FAM3B: variants seen among roughly 807,000 people sequenced by gnomAD.
The protein encoded by FAM3B is protein FAM3B.
A neutral mutation model predicts 28.4 loss-of-function variants in FAM3B; 29 were observed. The ratio of observed to expected loss-of-function variants is 1.02; its 90% CI spans 0.76 to 1.39. FAM3B has a LOEUF of 1.39. FAM3B is among the 40% of genes most tolerant of loss of function. The pLI is 0.00. For synonymous variants in FAM3B, 91 were observed against 103.0 expected, an observed-to-expected ratio of 0.88 and a Z score of 0.71; for missense variants, 266 against 293.9, an observed-to-expected ratio of 0.91 and a Z score of 0.69.
chr21:41,319,523 C>T (rs1456369400), intron 1 of FAM3B: 1 of 152,448 alleles, frequency 6.6e-6, no homozygotes, highest in African/African-American at 2.4e-5. Context: ...CCTCCCCCAC[C>T]TCTGAAGCTG....
chr21:41,312,007 C>A (rs1435145925), upstream of FAM3B, among the ~76,000 whole-genome samples: 1 of 152,162 alleles, frequency 6.6e-6, no homozygotes, highest in Non-Finnish European at 1.5e-5. Flanking sequence ...TTAAACCCAT[C>A]AGATCTCATG....
chr21:41,318,775 G>T (rs1231198063), intron 1 of FAM3B, among the ~76,000 whole-genome samples: 1 of 152,242 alleles, frequency 6.6e-6, no homozygotes, highest in Non-Finnish European at 1.5e-5. Context: ...TAGGGCCTGA[G>T]ATTGCCCTTT....
At chr21:41,328,813 G>T (rs566613674) in intron 2 of FAM3B, among the ~76,000 whole-genome samples, 150 of 152,256 alleles carry the variant, frequency 9.9e-4, no homozygotes, top group African/African-American at 3.4e-3. Context: ...AGCCTGCAGG[G>T]TTGGTGTGAG....
In FAM3B at chr21:41,326,733, G is replaced by A. The variant is rs75592625; in HGVS notation, c.163+3667G>A. 1.5e-3 allele frequency among the ~76,000 whole-genome samples: 227 copies of A among 152,368 alleles called. 2 individuals carry two copies. In the East Asian group the frequency reaches 0.021, roughly 14 times the overall value. ...GCCAGCACCAGCCCTTTGGGTGAGT[G>A]TCCTGGGTCCAAGGGTGGGAGTGCT... On this transcript the variant is annotated intron_variant, in intron 2 of 7. Transcript: ENST00000357985. The surrounding 1 kb of genome is among the most constrained non-coding windows in gnomAD (Gnocchi z 4.0).
At chr21:41,310,379 G>A (rs531754135) in intron 1 of FAM3B, among the ~76,000 whole-genome samples, 26 of 152,150 alleles carry the variant, frequency 1.7e-4, no homozygotes, top group Non-Finnish European at 3.4e-4. Flanking sequence ...CCCATCTGCA[G>A]CTCAGTCCTC....
chr21:41,320,409 G>A (rs1484784796), intron 1 of FAM3B: 2 of 152,248 alleles, frequency 1.3e-5, no homozygotes, highest in African/African-American at 2.4e-5. Flanking sequence ...AACGAGCCCA[G>A]CCGAAATTTC....
intron 4 of FAM3B, 30 bp downstream of exon 4, chr21:41,344,564 C>T (rs746281197): frequency 6.3e-7 from 1 of 1,586,700 alleles, no homozygotes; most frequent in Non-Finnish European, 8.7e-7. Context: ...CTTTAAACTT[C>T]TCTAAAAGCT....
chr21:41,324,605 G>C (rs1416145059), intron 2 of FAM3B, among the ~76,000 whole-genome samples: 1 of 152,172 alleles, frequency 6.6e-6, no homozygotes, highest in African/African-American at 2.4e-5. Flanking sequence ...AATGCCTACT[G>C]TGAAAGTCCA....
upstream of FAM3B, among the ~76,000 whole-genome samples, chr21:41,315,637 C>T (rs572801498): frequency 2.0e-5 from 3 of 152,226 alleles, no homozygotes; most frequent in Admixed American, 6.6e-5. Context: ...TCAGGCCCAA[C>T]GCTGGCATGA....
intron 1 of FAM3B, among the ~76,000 whole-genome samples, chr21:41,308,158 G>A (rs1039342950): frequency 6.6e-6 from 1 of 152,208 alleles, no homozygotes; most frequent in Admixed American, 6.5e-5. Context: ...GACAGTGAGA[G>A]ATAAAATAAC....
chr21:41,311,288 A>G lies in FAM3B; in HGVS notation n.99+6978A>G, dbSNP rs2088712573. ...TATATATATATATATATATATATAT[A>G]TATATATATGTATATATACAAAAGT... On this transcript the variant is annotated intron_variant and non_coding_transcript_variant, in intron 1 of 9. Coordinates refer to the FAM3B transcript ENST00000479810. 1.9e-5 allele frequency among the ~76,000 whole-genome samples: 2 copies of G among 103,732 alleles called. 1 individual carries two copies. Among genetic ancestry groups the G allele is most frequent in the Non-Finnish European group, 3.8e-5 (2 of 52,146 alleles). The allele number at this position is 103,732 out of a possible 152,430, so 68.1% of individuals were successfully genotyped here.
In FAM3B at chr21:41,352,013, G is replaced by A. The variant is rs539298964; in HGVS notation, c.618+3289G>A. 5.3e-5 allele frequency among the ~76,000 whole-genome samples: 8 copies of A among 152,290 alleles called. 1 individual carries two copies. The highest frequency in any genetic ancestry group is 2.0e-4 in the Admixed American group (3 of 15,304). On this transcript the variant is annotated intron_variant, in intron 7 of 7. Coordinates refer to ENST00000357985, the MANE Select transcript of FAM3B (RefSeq NM_058186.4). ...TAGCGGAGCCTGCCTTGCTCCCTGT[G>A]TGTGTGACAAGCATGATGCAGCAGG...
At chr21:41,348,190 G>A (rs1455696934) in intron 6 of FAM3B, among the ~76,000 whole-genome samples, 1 of 152,084 alleles carries the variant, frequency 6.6e-6, no homozygotes, top group Non-Finnish European at 1.5e-5. Context: ...ATGAAAAGGG[G>A]GCAGTTTTGG....
chr21:41,322,269 A>G (rs563191066), intron 1 of FAM3B, among the ~76,000 whole-genome samples: 32 of 152,340 alleles, frequency 2.1e-4, no homozygotes, highest in African/African-American at 7.5e-4. Context: ...AAACAAGAGA[A>G]GTAAGATATT....
intron 3 of FAM3B, among the ~76,000 whole-genome samples, chr21:41,344,005 A>C (rs1395814790): frequency 6.6e-6 from 1 of 152,176 alleles, no homozygotes; most frequent in East Asian, 1.9e-4. Context: ...TTGTACTTCC[A>C]GCTACTTGGG....
Position 41,323,014 on chromosome 21 carries a change from G to A in FAM3B, c.111G>A (p.Leu37=), listed in dbSNP as rs1327666131. ...LLAELIPDAP[L]SSAAYSIRSI... Reference sequence around the variant, plus strand: ...CAGAGCTCATTCCAGATGCACCCCTGTCCAGTGCTGCCTATAGCATCCGCA... The same window carrying A: ...CAGAGCTCATTCCAGATGCACCCCTATCCAGTGCTGCCTATAGCATCCGCA... Residue 37 remains leucine, a synonymous_variant, in exon 2 of 8, where the codon CTG becomes CTA. Transcript: ENST00000357985. 2 of 1,609,966 alleles carry A rather than the reference G, an allele frequency of 1.2e-6. No individual in the cohort carries two copies. The highest frequency in any genetic ancestry group is 1.1e-5 in the South Asian group (1 of 91,096).
chr21:41,351,826 A>G (rs2145833731), intron 7 of FAM3B, among the ~76,000 whole-genome samples: 1 of 152,280 alleles, frequency 6.6e-6, no homozygotes, highest in African/African-American at 2.4e-5. Flanking sequence ...ATTCCATCCA[A>G]CCTCTTGGTT....
At chr21:41,344,383 A>G in intron 3 of FAM3B, 93 bp from the exon 4 acceptor site, 4 of 1,144,794 alleles carry the variant, frequency 3.5e-6, no homozygotes, top group Non-Finnish European at 5.3e-6. Context: ...GGGGGACAGC[A>G]GATGAGACTG....
intron 1 of FAM3B, among the ~76,000 whole-genome samples, chr21:41,318,692 G>A (rs1158043261): frequency 1.3e-5 from 2 of 152,158 alleles, no homozygotes; most frequent in Non-Finnish European, 2.9e-5. Context: ...ATACATATTG[G>A]TAAGACAGCA....
Sources: allele counts gnomAD v4.1 joint callset (sites outside exome capture counted in the v4.1 genomes callset), GRCh38; gene constraint gnomAD v4.1.1; non-coding constraint Gnocchi (gnomAD v3.1); transcripts MANE v1.5; gene names NCBI Gene and HGNC (gene_info 2026-07-23, HGNC 2026-07-21).